The following LPA variants were observed in gnomAD, a reference collection of about 807,000 sequenced individuals.
LPA encodes apolipoprotein(a).
Under a neutral mutation model 197.9 loss-of-function variants are expected in LPA, and 199 were observed. That is an observed-to-expected ratio of 1.01 (90% CI 0.90 to 1.13). The LOEUF (loss-of-function observed/expected upper bound fraction) is 1.13, where lower values mean the gene tolerates loss of function less well. Among genes scored for constraint, LPA ranks in the 50% most tolerant of loss-of-function variants. The pLI is 0.00. For missense variants in LPA, 1,853 were observed against 1,785.8 expected (o/e 1.04, Z -0.68); for synonymous variants, 715 against 639.5 (o/e 1.12, Z -1.78).
In LPA at chr6:160,531,855, C is replaced by G. The variant is rs1299366169; in HGVS notation, c.5997G>C (p.Lys1999Asn). The G allele has an allele frequency of 5.6e-6, 9 of 1,613,966 alleles. No homozygotes were observed. In the Admixed American group the frequency reaches 1.0e-4, roughly 18 times the overall value. Residue 1999 changes from lysine to asparagine, a missense_variant, in exon 39 of 39, where the codon AAG becomes AAC. By Grantham distance (94) the Lys-to-Asn change is moderately conservative. This residue lies in a region of LPA where 1,737 missense variants were observed against 1,504.4 expected (regional missense o/e 1.15). Transcript: ENST00000316300. ...TGACTCCTTGTAAAATGTATTTGTC[C>G]TTCTCGAAGCAAACCAGAGGCCCTC... ...DSGGPLVCFE[K>N]DKYILQGVTS...
At chr6:160,597,518 A>G (rs1779157242) in intron 20 of LPA, among the ~76,000 whole-genome samples, 1 of 152,166 alleles carries the variant, frequency 6.6e-6, no homozygotes, top group African/African-American at 2.4e-5. Context: ...ATTTCTGTAG[A>G]TTCTATTGAA....
chr6:160,604,907 A>T, intron 18 of LPA, 139 bp downstream of exon 18: 2 of 1,366,502 alleles, frequency 1.5e-6, no homozygotes, highest in Non-Finnish European at 2.1e-6. Flanking sequence ...TTGCTCAAAG[A>T]CAATGTTCCT....
At chr6:160,551,656 C>G (rs150185807) in intron 30 of LPA, among the ~76,000 whole-genome samples, 2 of 152,244 alleles carry the variant, frequency 1.3e-5, no homozygotes, top group African/African-American at 4.8e-5. Flanking sequence ...TTTCATATTT[C>G]AGGTTCAGTT....
At chr6:160,559,055 A>G (rs969338417) in intron 28 of LPA, among the ~76,000 whole-genome samples, 6 of 152,150 alleles carry the variant, frequency 3.9e-5, no homozygotes, top group African/African-American at 1.4e-4. Context: ...AGATGCACAG[A>G]TCTGCAATGT....
Position 160,649,265 on chromosome 6 carries a change from T to C in LPA, c.209+1073A>G, listed in dbSNP as rs1209271203. On this transcript the variant is annotated intron_variant, in intron 2 of 38. Coordinates refer to ENST00000316300, the MANE Select transcript of LPA (RefSeq NM_005577.4). ...AAACTCCAATATCCCTTAGTGCTAT[T>C]TGAGCTCTGTCATGTTTATTGAGCT... is the stretch of plus-strand genomic sequence containing the variant. Among the ~76,000 whole-genome samples the C allele has an allele frequency of 1.8e-4, 27 of 152,304 alleles. 1 individual carries two copies. Among genetic ancestry groups the C allele is most frequent in the Non-Finnish European group, 1.5e-5 (1 of 68,012 alleles).
chr6:160,573,280 A>G (rs187902138), intron 28 of LPA, among the ~76,000 whole-genome samples: 156 of 151,454 alleles, frequency 1.0e-3, no homozygotes, highest in Admixed American at 3.2e-3. Context: ...AGTCTACTGA[A>G]TTTTTTATTG....
chr6:160,551,904 A>G (rs574899346), intron 30 of LPA, among the ~76,000 whole-genome samples: 21 of 149,212 alleles, frequency 1.4e-4, no homozygotes, highest in Non-Finnish European at 1.5e-5. Context: ...TTGGCCAATA[A>G]CACATATCCT....
chr6:160,660,321 G>A (rs1263343669), intron 1 of LPA, among the ~76,000 whole-genome samples: 2 of 152,072 alleles, frequency 1.3e-5, no homozygotes, highest in African/African-American at 4.8e-5. Context: ...TTCTACCTAG[G>A]TATTCCCCCT....
At chr6:160,557,140 C>T (rs1337245581) in intron 29 of LPA, among the ~76,000 whole-genome samples, 5 of 152,050 alleles carry the variant, frequency 3.3e-5, no homozygotes, top group Non-Finnish European at 7.4e-5. Context: ...TCTGGAACAC[C>T]GAGATAACCC....
At chr6:160,605,879 A>G (rs747536183) in intron 17 of LPA, among the ~76,000 whole-genome samples, 2 of 152,196 alleles carry the variant, frequency 1.3e-5, no homozygotes, top group East Asian at 1.9e-4. Context: ...GACCGCTCAC[A>G]GGTACAACTG....
At chr6:160,532,406 C>A (rs1777820933) in intron 38 of LPA, 125 bp downstream of exon 38, 1 of 785,794 alleles carries the variant, frequency 1.3e-6, no homozygotes, top group African/African-American at 1.7e-5. Context: ...AGTTTCTGAG[C>A]AACACTTAGA....
At position 160,557,528 on chromosome 6, in the gene LPA, G is replaced by A. The variant is rs762524578; in HGVS notation, c.4675C>T (p.Gln1559Ter). Residue 1559 changes from glutamine (Q) to a stop codon, truncating the protein, a stop_gained, in exon 29 of 39, where the codon CAA becomes TAA. Transcript: ENST00000316300. LOFTEE classifies it high-confidence loss of function. ...NYCRNPDSGK[Q>*]PWCYTTDPCV... is the part of the protein sequence containing the mutation. ...GGATCGGTTGTGTAACACCAGGGTTGTTTCCCAGAATCTGGATTCCTGCAG... is the reference window on the plus strand; with the variant it reads ...GGATCGGTTGTGTAACACCAGGGTTATTTCCCAGAATCTGGATTCCTGCAG... The A allele has an allele frequency of 6.2e-7, 1 of 1,613,954 alleles. No homozygotes were observed. The highest frequency in any genetic ancestry group is 1.3e-5 in the African/African-American group (1 of 74,888).
chr6:160,647,038 C>T (rs781494786), intron 2 of LPA, among the ~76,000 whole-genome samples: 1 of 152,186 alleles, frequency 6.6e-6, no homozygotes, highest in Non-Finnish European at 1.5e-5. Context: ...TTCTGCAAGA[C>T]TTCTCAAAGC....
chr6:160,661,958 A>T (rs1056603382), intron 1 of LPA, among the ~76,000 whole-genome samples: 1 of 152,186 alleles, frequency 6.6e-6, no homozygotes, highest in African/African-American at 2.4e-5. Context: ...AAAAGAGGAA[A>T]CTTCCATTTA....
intron 26 of LPA, among the ~76,000 whole-genome samples, chr6:160,584,578 C>T (rs55730499): frequency 0.044 from 6,742 of 152,048 alleles, 215 homozygotes; most frequent in Non-Finnish European, 0.071. Context: ...GTGATCTGCC[C>T]GTCTTGTCCT....
chr6:160,605,225 A>T lies in LPA; in HGVS notation c.2786-20T>A, dbSNP rs1247174143. ...TTGGTGCTGAAATGAAAAGAAAAGAAATCAAACTGAGTGTTTCCAAGAAGA... is the reference window on the plus strand; with the variant it reads ...TTGGTGCTGAAATGAAAAGAAAAGATATCAAACTGAGTGTTTCCAAGAAGA... On this transcript the variant is annotated intron_variant, in intron 17 of 38. Coordinates refer to ENST00000316300, the MANE Select transcript of LPA (RefSeq NM_005577.4). 8 of 1,612,172 alleles carry T rather than the reference A, an allele frequency of 5.0e-6. No homozygotes were observed. In the Admixed American group the frequency reaches 5.0e-5, roughly 10 times the overall value.
chr6:160,643,187 C>A (rs1474884528), intron 4 of LPA, among the ~76,000 whole-genome samples: 2 of 146,714 alleles, frequency 1.4e-5, no homozygotes, highest in East Asian at 2.0e-4. Flanking sequence ...AATTGATCAG[C>A]CGGCCATACA....
chr6:160,648,203 A>T (rs948040952), intron 2 of LPA, among the ~76,000 whole-genome samples: 4 of 152,112 alleles, frequency 2.6e-5, no homozygotes, highest in Non-Finnish European at 5.9e-5. Context: ...CACATTAGTC[A>T]CTTGTATCAC....
intron 30 of LPA, among the ~76,000 whole-genome samples, chr6:160,555,633 T>C (rs911325067): frequency 3.3e-5 from 5 of 151,710 alleles, no homozygotes; most frequent in African/African-American, 1.2e-4. Flanking sequence ...TATTTACTTG[T>C]GACCCATGAC....
Sources: gnomAD v4.1 joint callset for allele counts (sites outside exome capture counted in the v4.1 genomes callset) on GRCh38, gnomAD v4.1.1 for gene constraint, gnomAD v4.1.1 regional missense constraint, MANE v1.5 for transcripts, NCBI Gene and HGNC (gene_info 2026-07-23, HGNC 2026-07-21) for gene names.